The following AMPD3 variants were observed in gnomAD, a reference collection of about 807,000 sequenced individuals.
AMPD3 encodes adenosine monophosphate deaminase 3.
Under a neutral mutation model 82.3 loss-of-function variants are expected in AMPD3, and 57 were observed. The ratio of observed to expected loss-of-function variants is 0.69; its 90% CI spans 0.56 to 0.86. The LOEUF (loss-of-function observed/expected upper bound fraction) is 0.86. AMPD3 is among the 40% of genes least tolerant of loss of function. The pLI is 0.00. For synonymous variants in AMPD3, 381 were observed against 394.7 expected, an observed-to-expected ratio of 0.97 and a Z score of 0.41; for missense variants, 870 against 1,003.8, an observed-to-expected ratio of 0.87 and a Z score of 1.80.
intron 11 of AMPD3, chr11:10,500,645 A>G: frequency 1.0e-6 from 1 of 985,488 alleles, no homozygotes; most frequent in Non-Finnish European, 1.2e-6. Flanking sequence ...ACTTACTGCC[A>G]CACCAACAAT....
At chr11:10,481,764 G>C in intron 3 of AMPD3, 1 of 443,578 alleles carries the variant, frequency 2.3e-6, no homozygotes, top group South Asian at 2.1e-5. Context: ...TTGTTTACCA[G>C]GGAAGCTCAT....
chr11:10,450,882 C>T, upstream of AMPD3: 3 of 1,226,728 alleles, frequency 2.4e-6, no homozygotes, highest in Non-Finnish European at 3.0e-6. Context: ...CCTCTGAACG[C>T]CCGGCCCCCG....
rs115826859 is a variant in AMPD3 at position 10,472,626 on chromosome 11, T to C, written c.222-5900T>C. Among the ~76,000 whole-genome samples the C allele has an allele frequency of 8.1e-3, 1,232 of 152,210 alleles. 20 individuals are homozygous for C. Among genetic ancestry groups the C allele is most frequent in the African/African-American group, 0.028 (1,170 of 41,520 alleles). ...CTTCATTTTATGAAACTTGTGAAAATAAGAATGGGGAACTTTTTAAACATT... is the reference window on the plus strand; with the variant it reads ...CTTCATTTTATGAAACTTGTGAAAACAAGAATGGGGAACTTTTTAAACATT... On this transcript the variant is annotated intron_variant, in intron 2 of 14. Coordinates refer to ENST00000396553, the MANE Select transcript of AMPD3 (RefSeq NM_001025389.2).
At chr11:10,495,858 T>C in intron 9 of AMPD3, 125 bp downstream of exon 9, 1 of 1,257,290 alleles carries the variant, frequency 8.0e-7, no homozygotes, top group South Asian at 1.3e-5. Context: ...GCTTGTCCTT[T>C]CCAGGGATTT....
chr11:10,459,038 C>A (rs950677057), intron 1 of AMPD3, among the ~76,000 whole-genome samples: 10 of 152,090 alleles, frequency 6.6e-5, no homozygotes, highest in Admixed American at 6.5e-4. Context: ...CCTGTCACCT[C>A]CTTTGATGGC....
upstream of AMPD3, chr11:10,450,815 A>G: frequency 8.4e-7 from 1 of 1,186,630 alleles, no homozygotes; most frequent in Non-Finnish European, 1.0e-6. Context: ...CTCCCTGCTG[A>G]GGCGGCCCTC....
intron 13 of AMPD3, among the ~76,000 whole-genome samples, chr11:10,503,404 C>T (rs983201792): frequency 1.3e-5 from 2 of 152,130 alleles, no homozygotes; most frequent in Non-Finnish European, 2.9e-5. Flanking sequence ...GGGGACTAGC[C>T]GCAAGTATAC....
At position 10,505,920 on chromosome 11, in the gene AMPD3, C is replaced by A. The variant is rs746653738; in HGVS notation, c.*36C>A. The A allele has an allele frequency of 2.9e-5, 46 of 1,611,440 alleles. No individual in the cohort carries two copies. The highest frequency in any genetic ancestry group is 3.7e-5 in the Non-Finnish European group (44 of 1,178,490). ...TGACATGCATTTTAACTTTTTGGTTCAATTTCAAGTCTGCTGTGGCTAATA... is the reference window on the plus strand; with the variant it reads ...TGACATGCATTTTAACTTTTTGGTTAAATTTCAAGTCTGCTGTGGCTAATA... On this transcript the variant is annotated 3_prime_UTR_variant, in exon 15 of 15. Transcript: ENST00000396553.
Position 10,456,302 on chromosome 11 carries a change from C to T in AMPD3, c.-6+854C>T, listed in dbSNP as rs1489423040. 7.5e-6 allele frequency: 12 copies of T among 1,602,576 alleles called. No homozygotes were observed. Among genetic ancestry groups the T allele is most frequent in the Non-Finnish European group, 1.0e-5 (12 of 1,172,532 alleles). On this transcript the variant is annotated intron_variant, in intron 1 of 14. Transcript: ENST00000396553. The surrounding 1 kb of genome is among the most constrained non-coding windows in gnomAD (Gnocchi z 4.3). ...CAGACAGGACCCAGCCAGCTGCACG[C>T]ACGCACTGACTCAGCTGAGCCTCCT... is the stretch of plus-strand genomic sequence containing the variant.
intron 8 of AMPD3, 126 bp downstream of exon 8, chr11:10,495,156 G>T (rs1372288132): frequency 3.1e-6 from 5 of 1,600,382 alleles, no homozygotes; most frequent in East Asian, 2.2e-5. Flanking sequence ...TCAGGGAAGG[G>T]TGAGGTGCCC....
intron 5 of AMPD3, chr11:10,486,588 C>T: frequency 1.0e-6 from 1 of 985,372 alleles, no homozygotes; most frequent in Middle Eastern, 5.2e-4. Context: ...ACAAATATCC[C>T]TACAGTCCCA....
chr11:10,496,744 G>A, intron 9 of AMPD3, 68 bp from the exon 10 acceptor site: 2 of 1,612,846 alleles, frequency 1.2e-6, no homozygotes, highest in Non-Finnish European at 1.7e-6. Flanking sequence ...GAAGTGACTG[G>A]GGCTGGTCTC....
chr11:10,454,644 G>A (rs1481410637), upstream of AMPD3, among the ~76,000 whole-genome samples: 1 of 152,148 alleles, frequency 6.6e-6, no homozygotes, highest in Non-Finnish European at 1.5e-5. Context: ...TGCTTGTTTA[G>A]ACTAAGGCTA....
At chr11:10,461,285 A>G in intron 1 of AMPD3, 1 of 1,504,760 alleles carries the variant, frequency 6.6e-7, no homozygotes, top group East Asian at 2.5e-5. Flanking sequence ...CATTCTTTGA[A>G]TTTTGAACAC....
At chr11:10,473,745 C>A in intron 2 of AMPD3, 1 of 372,082 alleles carries the variant, frequency 2.7e-6, no homozygotes, top group Non-Finnish European at 3.7e-6. Context: ...AAGGTGTCAG[C>A]CCCTCTTAGT....
chr11:10,488,963 G>A (rs988496384), intron 6 of AMPD3, among the ~76,000 whole-genome samples: 3 of 152,176 alleles, frequency 2.0e-5, no homozygotes, highest in African/African-American at 7.2e-5. Flanking sequence ...TCTGTTACAC[G>A]CCAGGGGTCC....
At chr11:10,453,681 T>C (rs947679272), upstream of AMPD3, among the ~76,000 whole-genome samples, 1 of 152,088 alleles carries the variant, frequency 6.6e-6, no homozygotes, top group Non-Finnish European at 1.5e-5. Flanking sequence ...TTCTGCCTCC[T>C]GGGTTCAAGT....
chr11:10,478,672 CA>C lies in AMPD3; in HGVS notation c.369del (p.Tyr125MetfsTer35). On this transcript the variant is annotated frameshift_variant, in exon 3 of 15. Coordinates refer to ENST00000396553, the MANE Select transcript of AMPD3 (RefSeq NM_001025389.2). LOFTEE classifies it high-confidence loss of function. ...VTGATSLPTPAPYAMPEFQRV... is the reference protein window; with the variant it reads ...VTGATSLPTPXPYAMPEFQRV... Reference sequence around the variant, plus strand: ...GGAGCCACTTCCCTGCCCACGCCAGCACCCTATGCCATGCCTGAGTTCCAGC... The same window carrying C: ...GGAGCCACTTCCCTGCCCACGCCAGCCCCTATGCCATGCCTGAGTTCCAGC... 1 of 1,614,212 alleles carries C rather than the reference CA, an allele frequency of 6.2e-7. No individual in the cohort carries two copies. Among genetic ancestry groups the C allele is most frequent in the Non-Finnish European group, 8.5e-7 (1 of 1,180,046 alleles).
At chr11:10,497,576 G>C (rs1370393520) in intron 10 of AMPD3, 2 of 985,270 alleles carry the variant, frequency 2.0e-6, no homozygotes, top group Non-Finnish European at 2.4e-6. Context: ...AGGCACAGCG[G>C]GGAGCCCGAG....
Sources: gnomAD v4.1 joint callset for allele counts (sites outside exome capture counted in the v4.1 genomes callset) on GRCh38, gnomAD v4.1.1 for gene constraint, Gnocchi (gnomAD v3.1) non-coding constraint, MANE v1.5 for transcripts, NCBI Gene and HGNC (gene_info 2026-07-23, HGNC 2026-07-21) for gene names.